The following ATG7 variants were observed in gnomAD, a reference collection of about 807,000 sequenced individuals.
ATG7 encodes the protein autophagy related 7, also known as ubiquitin-like modifier-activating enzyme ATG7.
A neutral mutation model predicts 82.4 loss-of-function variants in ATG7; 70 were observed. The observed-to-expected ratio is 0.85, with a 90% CI of 0.70 to 1.04. ATG7 has a LOEUF of 1.04. Among genes scored for constraint, ATG7 ranks in the 50% least tolerant of loss-of-function variants. The pLI is 0.00. For synonymous variants in ATG7, 287 were observed against 313.0 expected, an observed-to-expected ratio of 0.92 and a Z score of 0.88; for missense variants, 792 against 864.3, an observed-to-expected ratio of 0.92 and a Z score of 1.05.
Position 11,477,716 on chromosome 3 carries a change from G to A in ATG7, c.2079+50790G>A, listed in dbSNP as rs577598426. Among the ~76,000 whole-genome samples, 25 of 152,258 alleles carry A rather than the reference G, an allele frequency of 1.6e-4. No individual in the cohort carries two copies. In the South Asian group the frequency reaches 3.1e-3, roughly 19 times the overall value. Reference sequence around the variant, plus strand: ...TGCTTATGTAGTTGGAATGTTACTGGAACTACTCATAGGATTACAGGAAGA... The same window carrying A: ...TGCTTATGTAGTTGGAATGTTACTGAAACTACTCATAGGATTACAGGAAGA... On this transcript the variant is annotated intron_variant, in intron 20 of 20. Transcript: ENST00000693202.
In ATG7 at chr3:11,358,445, C is replaced by T; in HGVS notation, c.1312C>T (p.Pro438Ser). Residue 438 changes from proline (P) to serine (S), a missense_variant, in exon 15 of 21, where the codon CCT (proline) becomes TCT (serine). By Grantham distance (74) the Pro-to-Ser change is moderately conservative (BLOSUM62 -1). Coordinates refer to ENST00000693202, the MANE Select transcript of ATG7 (RefSeq NM_001349232.2). ...VNARGFNMSI[P>S]MPGHPVNFSS... ...TGCCAGAGGATTCAACATGAGCATA[C>T]CTATGCCTGGGCATCCAGTGAACTT... 6.2e-7 allele frequency: 1 copy of T among 1,613,894 alleles called. No homozygotes were observed. The highest frequency in any genetic ancestry group is 2.2e-5 in the East Asian group (1 of 44,870).
At chr3:11,273,312 T>A (rs1940933355) in intron 1 of ATG7, among the ~76,000 whole-genome samples, 1 of 152,200 alleles carries the variant, frequency 6.6e-6, no homozygotes, top group East Asian at 1.9e-4. Flanking sequence ...ACTGGCCAGA[T>A]TTCTTCAGTG....
intron 18 of ATG7, among the ~76,000 whole-genome samples, chr3:11,377,274 G>T (rs1180579827): frequency 5.3e-5 from 8 of 152,128 alleles, no homozygotes; most frequent in Non-Finnish European, 1.2e-4. Context: ...ATACAAACTT[G>T]GTGAATTTGA....
chr3:11,438,004 A>G (rs2083517888), intron 20 of ATG7, among the ~76,000 whole-genome samples: 3 of 152,240 alleles, frequency 2.0e-5, no homozygotes, highest in African/African-American at 7.2e-5. Flanking sequence ...TATTATACTT[A>G]GAGTTTTTTC....
At chr3:11,378,685 C>CAAAAAAAAAAAAA (rs368506515) in intron 18 of ATG7, among the ~76,000 whole-genome samples, 4 of 78,936 alleles carry the variant, frequency 5.1e-5, no homozygotes, top group African/African-American at 2.1e-4. Flanking sequence ...ACTCCATCTC[C>CAAAAAAAAAAAAA]AAAAAAAAAA....
rs2076086361 is a variant in ATG7, at chr3:11,358,608, G to A, written c.1475G>A (p.Arg492Lys). 6.2e-7 allele frequency: 1 copy of A among 1,612,826 alleles called. No homozygotes were observed. Among genetic ancestry groups the A allele is most frequent in the Non-Finnish European group, 8.5e-7 (1 of 1,179,790 alleles). Residue 492 changes from arginine to lysine, a missense_variant, in exon 15 of 21, where the codon AGA becomes AAA. Transcript: ENST00000693202. ...CCTGCCGTCATTGCTGCAAGCAAGA[G>A]AAAGGTAGGCCCTGTCTCTAATTAT... ...WLPAVIAASK[R>K]KLVINAALGF...
chr3:11,366,594 T>C (rs2076627289), intron 18 of ATG7, among the ~76,000 whole-genome samples: 1 of 152,204 alleles, frequency 6.6e-6, no homozygotes, highest in Non-Finnish European at 1.5e-5. Flanking sequence ...CCTCATCTCC[T>C]TTACAGACTT....
rs566141858 is a variant in ATG7 at position 11,374,014 on chromosome 3, G to T, written c.1876-5958G>T. ...TTACGAGCAAATCACTGTGCTATGA[G>T]TAAATACAAGTAAATACAAGTAGCT... On this transcript the variant is annotated intron_variant, in intron 18 of 20. Transcript: ENST00000693202. Among the ~76,000 whole-genome samples, 3 of 152,230 alleles carry T rather than the reference G, an allele frequency of 2.0e-5. No homozygotes were observed. In the East Asian group the frequency reaches 5.8e-4, roughly 29 times the overall value.
intron 5 of ATG7, among the ~76,000 whole-genome samples, chr3:11,306,063 A>G (rs1360381181): frequency 6.6e-6 from 1 of 152,190 alleles, no homozygotes; most frequent in African/African-American, 2.4e-5. Context: ...CCACATCTGA[A>G]TTCGTATTCA....
At chr3:11,442,069 C>T (rs887837329) in intron 20 of ATG7, among the ~76,000 whole-genome samples, 1 of 152,334 alleles carries the variant, frequency 6.6e-6, no homozygotes, top group Admixed American at 6.5e-5. Context: ...TCACAAAGTT[C>T]TGAGATTACA....
At chr3:11,452,557 C>T (rs2085298404) in intron 20 of ATG7, among the ~76,000 whole-genome samples, 1 of 152,048 alleles carries the variant, frequency 6.6e-6, no homozygotes, top group Non-Finnish European at 1.5e-5. Flanking sequence ...AAGTAAAACC[C>T]ATAAAAAGGT....
chr3:11,391,394 G>T (rs2078790914), intron 19 of ATG7, among the ~76,000 whole-genome samples: 1 of 152,198 alleles, frequency 6.6e-6, no homozygotes, highest in African/African-American at 2.4e-5. Flanking sequence ...GGAGGCTGAA[G>T]ATCTGTGCAG....
intron 20 of ATG7, among the ~76,000 whole-genome samples, chr3:11,550,697 G>C (rs1448759406): frequency 2.0e-5 from 3 of 152,022 alleles, no homozygotes; most frequent in Non-Finnish European, 4.4e-5. Flanking sequence ...CTCTCTTCTT[G>C]ATTTCTAAGA....
intron 20 of ATG7, among the ~76,000 whole-genome samples, chr3:11,492,152 T>G (rs1238123201): frequency 4.6e-5 from 7 of 152,184 alleles, no homozygotes; most frequent in Non-Finnish European, 7.4e-5. Flanking sequence ...AGGTGTGGAA[T>G]ACAATCTCCT....
chr3:11,555,174 A>G lies in ATG7; in HGVS notation c.*331A>G, dbSNP rs1009587577. 3.2e-6 allele frequency: 1 copy of G among 313,458 alleles called. No individual in the cohort carries two copies. Among genetic ancestry groups the G allele is most frequent in the Non-Finnish European group, 5.9e-6 (1 of 170,882 alleles). 19.4% of individuals were successfully genotyped at this position (313,458 alleles called of 1,614,324 possible). A position where few individuals can be genotyped will look rare whatever the true frequency, so the allele number is the denominator to read the frequency against. On this transcript the variant is annotated 3_prime_UTR_variant, in exon 21 of 21. Coordinates refer to ENST00000693202, the MANE Select transcript of ATG7 (RefSeq NM_001349232.2). ...CCCCTTGGCCCTGAGGGGGTGACCC[A>G]ACACAGACCAAATGGGGAAATGAGC...
At chr3:11,480,773 CAAGG>C (rs999285904) in intron 20 of ATG7, among the ~76,000 whole-genome samples, 3 of 152,180 alleles carry the variant, frequency 2.0e-5, no homozygotes, top group Non-Finnish European at 2.9e-5. Flanking sequence ...ACAAATCTGT[CAAGG>C]AAGGCTTTCC....
intron 20 of ATG7, among the ~76,000 whole-genome samples, chr3:11,429,501 A>T (rs1048309266): frequency 2.0e-5 from 3 of 151,996 alleles, no homozygotes; most frequent in African/African-American, 7.2e-5. Flanking sequence ...ATCTCAAAAA[A>T]AAAATCACAA....
At chr3:11,469,566 A>C (rs2153011580) in intron 20 of ATG7, among the ~76,000 whole-genome samples, 1 of 152,298 alleles carries the variant, frequency 6.6e-6, no homozygotes, top group Middle Eastern at 3.4e-3. Flanking sequence ...GTGATGATAC[A>C]CTTGGCCTTT....
At chr3:11,395,403 A>T (rs530881313) in intron 19 of ATG7, among the ~76,000 whole-genome samples, 3 of 152,328 alleles carry the variant, frequency 2.0e-5, no homozygotes, top group African/African-American at 7.2e-5. Flanking sequence ...CAACAAATTT[A>T]TAACAGTACA....
Sources: allele counts gnomAD v4.1 joint callset (sites outside exome capture counted in the v4.1 genomes callset), GRCh38; gene constraint gnomAD v4.1.1; transcripts MANE v1.5; gene names NCBI Gene and HGNC (gene_info 2026-07-23, HGNC 2026-07-21).